PALM2AKAP2: variants seen among roughly 807,000 people sequenced by gnomAD.
PALM2AKAP2 encodes PALM2-AKAP2 fusion protein.
A neutral mutation model predicts 71.5 loss-of-function variants in PALM2AKAP2; 37 were observed. The ratio of observed to expected loss-of-function variants is 0.52; its 90% CI spans 0.40 to 0.68. The LOEUF (loss-of-function observed/expected upper bound fraction) is 0.68, where lower values mean the gene tolerates loss of function less well. Among genes scored for constraint, PALM2AKAP2 ranks in the 30% least tolerant of loss-of-function variants. The pLI is 0.00. For missense variants in PALM2AKAP2, 1,224 were observed against 1,191.8 expected, an observed-to-expected ratio of 1.03 and a Z score of -0.40; for synonymous variants, 468 against 478.8, an observed-to-expected ratio of 0.98 and a Z score of 0.29.
chr9:109,705,114 C>T (rs1285765019), intron 1 of PALM2AKAP2, among the ~76,000 whole-genome samples: 7 of 152,164 alleles, frequency 4.6e-5, no homozygotes, highest in Non-Finnish European at 4.4e-5. Flanking sequence ...GACAGGGCTC[C>T]GTGAATGTCA....
At chr9:109,742,364 C>T (rs1828729232) in intron 1 of PALM2AKAP2, among the ~76,000 whole-genome samples, 1 of 151,838 alleles carries the variant, frequency 6.6e-6, no homozygotes, top group East Asian at 1.9e-4. Flanking sequence ...GCAGCATTTA[C>T]TACAACCTAA....
intron 6 of PALM2AKAP2, among the ~76,000 whole-genome samples, chr9:109,951,116 G>T (rs879068711): frequency 1.3e-5 from 2 of 152,120 alleles, no homozygotes; most frequent in African/African-American, 2.4e-5. Flanking sequence ...TCATACAGGG[G>T]TTCCAGAAAA....
At chr9:109,820,631 T>G (rs1404200292) in intron 1 of PALM2AKAP2, among the ~76,000 whole-genome samples, 6 of 152,214 alleles carry the variant, frequency 3.9e-5, no homozygotes, top group Non-Finnish European at 7.4e-5. Flanking sequence ...GCTGGTGATG[T>G]TAGCTGCTTC....
chr9:109,854,830 G>T (rs1339257316), intron 1 of PALM2AKAP2, among the ~76,000 whole-genome samples: 1 of 130,708 alleles, frequency 7.7e-6, no homozygotes, highest in East Asian at 2.3e-4. Flanking sequence ...GAGTGCAGTG[G>T]CACAATCTCG....
chr9:109,692,100 A>G (rs558631614), intron 1 of PALM2AKAP2, among the ~76,000 whole-genome samples: 13 of 151,034 alleles, frequency 8.6e-5, no homozygotes, highest in African/African-American at 2.9e-4. Flanking sequence ...TTAAATTGAG[A>G]TATAATTCAC....
rs1381837697 is a variant in PALM2AKAP2 at position 109,994,329 on chromosome 9, C to A, written c.497-21625C>A. 2.6e-5 allele frequency among the ~76,000 whole-genome samples: 4 copies of A among 152,204 alleles called. No individual in the cohort carries two copies. The East Asian group carries it at 5.8e-4, about 22-fold the overall frequency. ...TATGGATACATCCCAAAAGACTAGA[C>A]AAACAGTATCTGTGTTTTAGCTTCC... On this transcript the variant is annotated intron_variant, in intron 6 of 9. Coordinates refer to the PALM2AKAP2 transcript ENST00000302798.
At chr9:109,861,730 C>G (rs1829316174) in intron 1 of PALM2AKAP2, among the ~76,000 whole-genome samples, 1 of 152,174 alleles carries the variant, frequency 6.6e-6, no homozygotes, top group Non-Finnish European at 1.5e-5. Context: ...CCAGAATTAG[C>G]CTTTTCAACT....
At chr9:109,677,066 A>G (rs950277448) in intron 1 of PALM2AKAP2, among the ~76,000 whole-genome samples, 5 of 152,174 alleles carry the variant, frequency 3.3e-5, no homozygotes, top group Non-Finnish European at 5.9e-5. Context: ...TTAAAGTAAA[A>G]TAAGGGGCAG....
At chr9:110,039,659 C>T (rs1833477942) in intron 7 of PALM2AKAP2, among the ~76,000 whole-genome samples, 2 of 151,792 alleles carry the variant, frequency 1.3e-5, no homozygotes, top group South Asian at 4.2e-4. Context: ...TTCACCCATC[C>T]CAAGCATGTA....
chr9:110,142,128 A>G (rs1337811065), intron 2 of PALM2AKAP2, among the ~76,000 whole-genome samples: 4 of 147,238 alleles, frequency 2.7e-5, no homozygotes, highest in Non-Finnish European at 5.9e-5. Flanking sequence ...CTGGAGTGCA[A>G]TGGGGCAAAC....
At chr9:109,725,187 G>C (rs887246203) in intron 1 of PALM2AKAP2, among the ~76,000 whole-genome samples, 1 of 152,094 alleles carries the variant, frequency 6.6e-6, no homozygotes, top group Non-Finnish European at 1.5e-5. Context: ...AACATGGTGG[G>C]AACAGTATCA....
chr9:110,147,148 GGCT>G (rs1239018160), intron 2 of PALM2AKAP2, among the ~76,000 whole-genome samples: 1 of 151,978 alleles, frequency 6.6e-6, no homozygotes. Flanking sequence ...CTACTCGGGA[GGCT>G]GAGGCAGGAG....
At chr9:109,804,563 G>C (rs1827523712) in intron 1 of PALM2AKAP2, among the ~76,000 whole-genome samples, 1 of 151,996 alleles carries the variant, frequency 6.6e-6, no homozygotes, top group African/African-American at 2.4e-5. Flanking sequence ...TGGCTTTTTG[G>C]TAGTTGAAGT....
intron 6 of PALM2AKAP2, among the ~76,000 whole-genome samples, chr9:109,951,473 T>C (rs1218920044): frequency 6.6e-6 from 1 of 152,234 alleles, no homozygotes; most frequent in African/African-American, 2.4e-5. Flanking sequence ...TTTCACTGCA[T>C]CTACCTCTGT....
intron 1 of PALM2AKAP2, among the ~76,000 whole-genome samples, chr9:110,049,851 G>T (rs1039550899): frequency 6.6e-6 from 1 of 152,250 alleles, no homozygotes; most frequent in Non-Finnish European, 1.5e-5. Flanking sequence ...GGCAAAGGGC[G>T]AGGCGGCGTG....
intron 6 of PALM2AKAP2, among the ~76,000 whole-genome samples, chr9:109,995,423 G>A (rs1832554928): frequency 6.6e-6 from 1 of 152,186 alleles, no homozygotes. Context: ...TGCAGTTGAG[G>A]TGGTGCATTA....
chr9:109,792,640 G>C (rs1432360142), intron 1 of PALM2AKAP2, among the ~76,000 whole-genome samples: 1 of 152,032 alleles, frequency 6.6e-6, no homozygotes, highest in African/African-American at 2.4e-5. Flanking sequence ...GTTGAGGGTG[G>C]GAGGGTTGAC....
chr9:109,893,279 A>G (rs1289521045), intron 3 of PALM2AKAP2, among the ~76,000 whole-genome samples: 1 of 152,210 alleles, frequency 6.6e-6, no homozygotes, highest in Admixed American at 6.5e-5. Flanking sequence ...CAGGAATTCC[A>G]GGACTGCTGG....
intron 1 of PALM2AKAP2, among the ~76,000 whole-genome samples, chr9:109,695,837 G>A (rs1827961679): frequency 6.6e-6 from 1 of 152,124 alleles, no homozygotes; most frequent in African/African-American, 2.4e-5. Context: ...ATCTCATGGA[G>A]GTAGAGAGTA....
Sources: gnomAD v4.1 joint callset for allele counts (sites outside exome capture counted in the v4.1 genomes callset) on GRCh38, gnomAD v4.1.1 for gene constraint, MANE v1.5 for transcripts, NCBI Gene and HGNC (gene_info 2026-07-23, HGNC 2026-07-21) for gene names.